The following WWC2 variants were observed in gnomAD, a reference collection of about 807,000 sequenced individuals.
The protein encoded by WWC2 is protein WWC2.
Under a neutral mutation model 138.5 loss-of-function variants are expected in WWC2, and 101 were observed. The observed-to-expected ratio is 0.73, with a 90% confidence interval of 0.62 to 0.86. WWC2 has a LOEUF of 0.86. WWC2 is among the 40% of genes least tolerant of loss of function. The pLI is 0.00. For missense variants in WWC2, 1,420 were observed against 1,419.4 expected, an observed-to-expected ratio of 1.00 and a Z score of -0.01; for synonymous variants, 558 against 538.4, an observed-to-expected ratio of 1.04 and a Z score of -0.50.
chr4:183,152,208 A>T (rs1733653291), intron 1 of WWC2, among the ~76,000 whole-genome samples: 1 of 152,100 alleles, frequency 6.6e-6, no homozygotes, highest in South Asian at 2.1e-4. Context: ...TGTACATTTT[A>T]AAAATATATA....
chr4:183,118,031 T>C (rs879335128), intron 1 of WWC2, among the ~76,000 whole-genome samples: 8 of 152,080 alleles, frequency 5.3e-5, no homozygotes, highest in East Asian at 3.9e-4. Context: ...AACTGCTGAC[T>C]TCGTGATCCA....
intron 15 of WWC2, 53 bp from the exon 16 acceptor site, chr4:183,271,027 A>G (rs1383996056): frequency 3.5e-6 from 5 of 1,410,920 alleles, no homozygotes; most frequent in Non-Finnish European, 2.8e-6. Flanking sequence ...TAATTTAAAC[A>G]TTTTATTTTC....
intron 9 of WWC2, among the ~76,000 whole-genome samples, chr4:183,254,969 G>C (rs1437099109): frequency 1.3e-5 from 2 of 152,192 alleles, no homozygotes; most frequent in Non-Finnish European, 2.9e-5. Context: ...GAAAAGCAGG[G>C]GGAGGGAGAG....
At chr4:183,141,743 A>G (rs913484426) in intron 1 of WWC2, among the ~76,000 whole-genome samples, 6 of 152,228 alleles carry the variant, frequency 3.9e-5, no homozygotes, top group Non-Finnish European at 8.8e-5. Flanking sequence ...ATCATTATGT[A>G]GATATACAGT....
chr4:183,288,403 T>C (rs1047263003), intron 20 of WWC2, among the ~76,000 whole-genome samples: 1 of 152,250 alleles, frequency 6.6e-6, no homozygotes, highest in Non-Finnish European at 1.5e-5. Flanking sequence ...TTTTGCATTC[T>C]GTCTGCCAAT....
At chr4:183,160,182 A>G (rs1223699207) in intron 1 of WWC2, among the ~76,000 whole-genome samples, 1 of 152,208 alleles carries the variant, frequency 6.6e-6, no homozygotes, top group Non-Finnish European at 1.5e-5. Context: ...TTTCTTTTTC[A>G]ACTCTATCAG....
intron 12 of WWC2, 53 bp from the exon 13 acceptor site, chr4:183,265,635 T>G: frequency 6.5e-7 from 1 of 1,533,406 alleles, no homozygotes; most frequent in South Asian, 1.2e-5. Flanking sequence ...CTGTTAACCA[T>G]AACAATCGAT....
chr4:183,184,340 A>C (rs1245618849), intron 1 of WWC2, among the ~76,000 whole-genome samples: 1 of 152,110 alleles, frequency 6.6e-6, no homozygotes, highest in Admixed American at 6.5e-5. Flanking sequence ...ATAATATTCC[A>C]TTTCATGTAT....
At chr4:183,231,131 A>G (rs1580083706) in intron 4 of WWC2, among the ~76,000 whole-genome samples, 1 of 152,130 alleles carries the variant, frequency 6.6e-6, no homozygotes, top group East Asian at 1.9e-4. Flanking sequence ...AAATACAGCA[A>G]CATTTTAAAA....
At chr4:183,123,645 C>A (rs967322889) in intron 1 of WWC2, among the ~76,000 whole-genome samples, 3 of 151,966 alleles carry the variant, frequency 2.0e-5, no homozygotes, top group African/African-American at 4.8e-5. Flanking sequence ...AGCATAATAT[C>A]ATTTCTTAAA....
chr4:183,129,498 AC>A (rs967174986), intron 1 of WWC2, among the ~76,000 whole-genome samples: 2 of 152,208 alleles, frequency 1.3e-5, no homozygotes, highest in African/African-American at 4.8e-5. Flanking sequence ...GAGATTTAGG[AC>A]CAGTGGACAC....
chr4:183,261,805 A>G (rs1560873244), intron 11 of WWC2, among the ~76,000 whole-genome samples: 1 of 152,232 alleles, frequency 6.6e-6, no homozygotes, highest in Non-Finnish European at 1.5e-5. Context: ...GACTGGGAAC[A>G]TATGTTGTGA....
intron 1 of WWC2, among the ~76,000 whole-genome samples, chr4:183,112,002 C>A (rs564159224): frequency 1.3e-5 from 2 of 152,184 alleles, no homozygotes; most frequent in East Asian, 3.9e-4. Context: ...CCAGCCAGAT[C>A]ATTTACTTTT....
chr4:183,239,891 T>G (rs925494566), intron 4 of WWC2, among the ~76,000 whole-genome samples: 1 of 152,200 alleles, frequency 6.6e-6, no homozygotes, highest in African/African-American at 2.4e-5. Flanking sequence ...GACTTGGAGT[T>G]CTTATTCTGC....
chr4:183,262,416 T>G lies in WWC2; in HGVS notation c.1909+884T>G, dbSNP rs377070956. Among the ~76,000 whole-genome samples, 39 of 152,350 alleles carry G rather than the reference T, an allele frequency of 2.6e-4. No individual in the cohort carries two copies. The East Asian group carries it at 5.4e-3, about 21-fold the overall frequency. On this transcript the variant is annotated intron_variant, in intron 11 of 22. Coordinates refer to ENST00000403733, the MANE Select transcript of WWC2 (RefSeq NM_024949.6). ...ACAGGGCAGGGCTCTTTAGAAGTGC[T>G]CTCTTCCTGTTCCCAGAAGCATTTT...
intron 6 of WWC2, among the ~76,000 whole-genome samples, chr4:183,247,997 C>T (rs1189402468): frequency 6.6e-6 from 1 of 151,524 alleles, no homozygotes; most frequent in Non-Finnish European, 1.5e-5. Context: ...TTAAGTAATT[C>T]AGATTAGTCT....
Position 183,121,238 on chromosome 4 carries a change from ATAATT to A in WWC2, c.131+21617_131+21621del, listed in dbSNP as rs1184967622. ...AAAAAAAGTAACATTGTGGAGGAAA[ATAATT>A]AAATTGTTGACGTGTAATTTTCTGT... is the stretch of plus-strand genomic sequence containing the variant. On this transcript the variant is annotated intron_variant, in intron 1 of 22. Transcript: ENST00000403733. 2.6e-5 allele frequency among the ~76,000 whole-genome samples: 4 copies of A among 151,984 alleles called. No individual in the cohort carries two copies. The East Asian group carries it at 7.7e-4, about 29-fold the overall frequency.
intron 1 of WWC2, among the ~76,000 whole-genome samples, chr4:183,149,405 C>T (rs76062108): frequency 6.6e-6 from 1 of 152,088 alleles, no homozygotes; most frequent in Non-Finnish European, 1.5e-5. Flanking sequence ...GGCAGATCAC[C>T]TGAGGTTGGG....
chr4:183,285,642 C>A (rs1050876932), intron 19 of WWC2, among the ~76,000 whole-genome samples: 36 of 152,084 alleles, frequency 2.4e-4, no homozygotes, highest in Non-Finnish European at 8.8e-5. Flanking sequence ...CGCCTGTAAT[C>A]CGAGTTACTA....
Sources: allele counts gnomAD v4.1 joint callset (sites outside exome capture counted in the v4.1 genomes callset), GRCh38; gene constraint gnomAD v4.1.1; transcripts MANE v1.5; gene names NCBI Gene and HGNC (gene_info 2026-07-23, HGNC 2026-07-21).